The following SLC9A8 variants were observed in gnomAD, a reference collection of about 807,000 sequenced individuals.
The protein encoded by SLC9A8 is sodium/hydrogen exchanger 8.
A neutral mutation model predicts 66.6 loss-of-function variants in SLC9A8; 48 were observed. The ratio of observed to expected loss-of-function variants is 0.72; its 90% confidence interval spans 0.57 to 0.92. The LOEUF is 0.92. Ranked by LOEUF, SLC9A8 falls within the 40% of genes least tolerant of loss-of-function variation. The probability of loss-of-function intolerance (pLI) is 0.00; values close to 1 mark genes in which losing one functional copy is unlikely to be tolerated. For synonymous variants in SLC9A8, 274 were observed against 282.6 expected, an observed-to-expected ratio of 0.97 and a Z score of 0.31; for missense variants, 599 against 747.3, an observed-to-expected ratio of 0.80 and a Z score of 2.31.
intron 8 of SLC9A8, among the ~76,000 whole-genome samples, chr20:49,861,403 G>A (rs2088729615): frequency 2.0e-5 from 3 of 152,300 alleles, no homozygotes; most frequent in Admixed American, 1.3e-4. Context: ...AACTAACTGG[G>A]TGTGGTGATG....
intron 12 of SLC9A8, among the ~76,000 whole-genome samples, chr20:49,879,998 C>T (rs2089567817): frequency 6.6e-6 from 1 of 152,036 alleles, no homozygotes; most frequent in African/African-American, 2.4e-5. Context: ...CAGTGGCTCA[C>T]ACCTGTAATC....
chr20:49,812,960 T>G lies in SLC9A8; in HGVS notation c.26+12T>G. On this transcript the variant is annotated intron_variant, in intron 1 of 15. Transcript: ENST00000361573. The stretch of plus-strand genomic sequence containing the variant: ...ATGGCGGAAGAGGAGTGAGTGGGCT[T>G]TTTCCCGGGCGGCGGAGGCGGCGGG... 1 of 1,409,254 alleles carries G rather than the reference T, an allele frequency of 7.1e-7. No individual in the cohort carries two copies. Among genetic ancestry groups the G allele is most frequent in the Non-Finnish European group, 9.3e-7 (1 of 1,080,908 alleles). 87.3% of individuals were successfully genotyped at this position (1,409,254 alleles called of 1,614,324 possible).
intron 2 of SLC9A8, among the ~76,000 whole-genome samples, chr20:49,818,203 C>T (rs1468804019): frequency 6.6e-6 from 1 of 152,162 alleles, no homozygotes; most frequent in Non-Finnish European, 1.5e-5. Context: ...AGTGTTAATA[C>T]ATCTTTGGGG....
intron 14 of SLC9A8, 192 bp downstream of exon 14, chr20:49,884,258 CG>C (rs66897281): frequency 0.044 from 9,423 of 212,358 alleles, 796 homozygotes; most frequent in Middle Eastern, 0.056. Flanking sequence ...CACACACACA[CG>C]ACACACACAC....
intron 2 of SLC9A8, among the ~76,000 whole-genome samples, chr20:49,817,457 T>G (rs1039213777): frequency 6.6e-6 from 1 of 151,230 alleles, no homozygotes; most frequent in Non-Finnish European, 1.5e-5. Flanking sequence ...TGCAACTGTT[T>G]TTTTTTTTTT....
intron 3 of SLC9A8, chr20:49,830,456 C>T (rs923176181): frequency 2.4e-6 from 2 of 819,174 alleles, no homozygotes; most frequent in African/African-American, 3.3e-5. Context: ...TGCTGGGCCC[C>T]AGTGGTATGC....
At chr20:49,887,743 C>T (rs2089941834) in intron 15 of SLC9A8, 86 bp from the exon 16 acceptor site, 7 of 1,042,792 alleles carry the variant, frequency 6.7e-6, no homozygotes, top group Non-Finnish European at 8.5e-6. Context: ...CCCTAGACAC[C>T]CCACACAAAA....
chr20:49,831,902 G>A (rs963487650), intron 3 of SLC9A8, among the ~76,000 whole-genome samples: 1 of 152,188 alleles, frequency 6.6e-6, no homozygotes. Context: ...CACAGTGGGC[G>A]CTTGCCCCGC....
At chr20:49,828,931 G>GTA (rs2087039789) in intron 3 of SLC9A8, among the ~76,000 whole-genome samples, 1 of 151,318 alleles carries the variant, frequency 6.6e-6, no homozygotes. Flanking sequence ...GTGTGTGTGT[G>GTA]TGTATGTATG....
At chr20:49,858,316 A>G (rs1055943394) in intron 8 of SLC9A8, among the ~76,000 whole-genome samples, 6 of 151,136 alleles carry the variant, frequency 4.0e-5, no homozygotes, top group East Asian at 3.9e-4. Context: ...AAAAAATCCA[A>G]TGGCAGTATT....
At chr20:49,818,464 A>C (rs1335644912) in intron 2 of SLC9A8, among the ~76,000 whole-genome samples, 1 of 150,446 alleles carries the variant, frequency 6.6e-6, no homozygotes, top group African/African-American at 2.4e-5. Context: ...TTCTGATTAG[A>C]TATCCAAACA....
chr20:49,884,224 A>G (rs999067018), intron 14 of SLC9A8, 158 bp downstream of exon 14: 26,336 of 233,420 alleles, frequency 0.11, 1,869 homozygotes, highest in Non-Finnish European at 0.16. Flanking sequence ...ACACACACAC[A>G]CACACACACA....
At chr20:49,850,490 T>C (rs2088199787) in intron 6 of SLC9A8, among the ~76,000 whole-genome samples, 1 of 152,224 alleles carries the variant, frequency 6.6e-6, no homozygotes, top group African/African-American at 2.4e-5. Flanking sequence ...TATTGCAGCT[T>C]TGATGGCACC....
intron 14 of SLC9A8, among the ~76,000 whole-genome samples, chr20:49,884,831 C>T (rs1474163412): frequency 6.6e-6 from 1 of 152,230 alleles, no homozygotes; most frequent in Admixed American, 6.5e-5. Flanking sequence ...TCTTCACCCT[C>T]AGGACCCCTG....
At chr20:49,840,489 A>C (rs1173546752) in intron 4 of SLC9A8, among the ~76,000 whole-genome samples, 2 of 152,236 alleles carry the variant, frequency 1.3e-5, no homozygotes, top group African/African-American at 4.8e-5. Context: ...TTGACCTGTG[A>C]AACTGTAGAG....
chr20:49,829,891 GA>G, intron 3 of SLC9A8: 1 of 573,332 alleles, frequency 1.7e-6, no homozygotes, highest in Non-Finnish European at 3.5e-6. Flanking sequence ...GCTCTTCAGA[GA>G]CAGGCTCCAA....
At chr20:49,887,124 T>C (rs1197019611) in intron 15 of SLC9A8, among the ~76,000 whole-genome samples, 1 of 152,212 alleles carries the variant, frequency 6.6e-6, no homozygotes, top group African/African-American at 2.4e-5. Flanking sequence ...ATAGATTTGT[T>C]AACACAGTTT....
chr20:49,874,954 C>T, intron 11 of SLC9A8, 133 bp downstream of exon 11: 1 of 677,878 alleles, frequency 1.5e-6, no homozygotes. Context: ...ATCCCTCACT[C>T]CCTTATCTTT....
chr20:49,856,658 CT>C (rs1218600816), intron 8 of SLC9A8, among the ~76,000 whole-genome samples: 1 of 152,018 alleles, frequency 6.6e-6, no homozygotes, highest in African/African-American at 2.4e-5. Flanking sequence ...CCTGTCTCTA[CT>C]GAAAATACAA....
Sources: gnomAD v4.1 joint callset for allele counts (sites outside exome capture counted in the v4.1 genomes callset) on GRCh38, gnomAD v4.1.1 for gene constraint, MANE v1.5 for transcripts, NCBI Gene and HGNC (gene_info 2026-07-23, HGNC 2026-07-21) for gene names.